PAK1: variants seen among roughly 807,000 people sequenced by gnomAD.
The protein encoded by PAK1 is p21 (RAC1) activated kinase 1.
A neutral mutation model predicts 67.4 loss-of-function variants in PAK1; 29 were observed. That is an observed-to-expected ratio of 0.43 (90% CI 0.32 to 0.59). The LOEUF is 0.59. PAK1 is among the 20% of genes least tolerant of loss of function. PAK1 has a pLI of 0.07. For missense variants in PAK1, 337 were observed against 670.7 expected, an observed-to-expected ratio of 0.50 and a Z score of 5.50; for synonymous variants, 223 against 237.4, an observed-to-expected ratio of 0.94 and a Z score of 0.56.
At chr11:77,491,526 C>T in the PAK1 span, among the ~76,000 whole-genome samples, 1 of 150,582 alleles carries the variant, frequency 6.6e-6, no homozygotes, top group South Asian at 2.1e-4. Context: ...GAGACTCTGC[C>T]TCAAAAAAAA....
At chr11:77,393,284 A>AG (rs1565658525) in intron 1 of PAK1, among the ~76,000 whole-genome samples, 6 of 129,618 alleles carry the variant, frequency 4.6e-5, no homozygotes, top group African/African-American at 1.9e-4. Context: ...TTAAAAAAAA[A>AG]AAGAGAGAGA....
At chr11:77,345,273 C>A (rs890020181) in intron 9 of PAK1, among the ~76,000 whole-genome samples, 2 of 151,806 alleles carry the variant, frequency 1.3e-5, no homozygotes, top group South Asian at 4.2e-4. Context: ...CAACAAATGT[C>A]TGTAGAAAGG....
intron 7 of PAK1, among the ~76,000 whole-genome samples, chr11:77,354,123 G>A (rs1014312946): frequency 6.6e-6 from 1 of 152,162 alleles, no homozygotes; most frequent in Non-Finnish European, 1.5e-5. Context: ...AAAAGCCAGA[G>A]AGATAAAGTA....
chr11:77,409,942 T>C (rs573059585), intron 1 of PAK1, among the ~76,000 whole-genome samples: 78 of 152,284 alleles, frequency 5.1e-4, no homozygotes, highest in African/African-American at 1.8e-3. Flanking sequence ...AAGCCAGTCA[T>C]CAAAGGGGAA....
intron 1 of PAK1, among the ~76,000 whole-genome samples, chr11:77,449,768 T>C (rs1278172419): frequency 6.6e-6 from 1 of 151,870 alleles, no homozygotes; most frequent in East Asian, 1.9e-4. Context: ...GGAAACAGTT[T>C]CTCAATACCC....
At chr11:77,441,319 C>T (rs1008572387) in intron 1 of PAK1, among the ~76,000 whole-genome samples, 1 of 152,192 alleles carries the variant, frequency 6.6e-6, no homozygotes, top group Non-Finnish European at 1.5e-5. Context: ...TCCCATACCC[C>T]TTGGGCTAGT....
At chr11:77,336,785 G>A (rs1942763577) in intron 12 of PAK1, among the ~76,000 whole-genome samples, 1 of 152,002 alleles carries the variant, frequency 6.6e-6, no homozygotes, top group Non-Finnish European at 1.5e-5. Context: ...CAGCCTGTTT[G>A]TCTGGTCTAC....
intron 5 of PAK1, 127 bp from the exon 6 acceptor site, chr11:77,359,144 G>A: frequency 1.3e-6 from 1 of 789,234 alleles, no homozygotes; most frequent in East Asian, 2.7e-5. Context: ...TAGCCTCCAA[G>A]CTCTCACCTT....
the PAK1 span, among the ~76,000 whole-genome samples, chr11:77,498,680 C>G: frequency 7.0e-6 from 1 of 143,852 alleles, no homozygotes; most frequent in African/African-American, 2.6e-5. Flanking sequence ...TTTTTAACAC[C>G]CTTGCTTGTA....
chr11:77,396,001 T>G (rs1052022179), intron 1 of PAK1, among the ~76,000 whole-genome samples: 1 of 152,132 alleles, frequency 6.6e-6, no homozygotes, highest in East Asian at 1.9e-4. Context: ...TCTGATACCC[T>G]AGTCAAGTCC....
the PAK1 span, among the ~76,000 whole-genome samples, chr11:77,504,380 T>C: frequency 6.8e-4 from 103 of 152,354 alleles, no homozygotes; most frequent in African/African-American, 2.1e-3. Context: ...TTCTTATATT[T>C]GCTTCTACAT....
At chr11:77,461,663 G>A (rs576195031) in intron 1 of PAK1, among the ~76,000 whole-genome samples, 10 of 152,118 alleles carry the variant, frequency 6.6e-5, no homozygotes, top group South Asian at 6.2e-4. Context: ...GTTTATGTAT[G>A]TTTACATACA....
intron 9 of PAK1, among the ~76,000 whole-genome samples, chr11:77,344,507 T>C (rs1461300369): frequency 6.6e-6 from 1 of 152,154 alleles, no homozygotes; most frequent in Admixed American, 6.5e-5. Context: ...CCAGACAACA[T>C]GAATATATGG....
At chr11:77,400,633 T>C (rs980734814) in intron 1 of PAK1, among the ~76,000 whole-genome samples, 2 of 152,144 alleles carry the variant, frequency 1.3e-5, no homozygotes, top group African/African-American at 4.8e-5. Context: ...CCACACTGCC[T>C]AAGAGAGTTG....
the PAK1 span, among the ~76,000 whole-genome samples, chr11:77,501,155 A>AAAAAAAAAC: frequency 0.02 from 2,968 of 148,578 alleles, 35 homozygotes; most frequent in Non-Finnish European, 0.031. Context: ...CGTCTCAAAA[A>AAAAAAAAAC]AAAAAACAAA....
the PAK1 span, among the ~76,000 whole-genome samples, chr11:77,482,984 G>A: frequency 6.6e-6 from 1 of 152,068 alleles, no homozygotes; most frequent in East Asian, 1.9e-4. Context: ...ATCACCTGAG[G>A]TCAGGAGTTC....
At chr11:77,324,806 G>A (rs937539863) in intron 14 of PAK1, among the ~76,000 whole-genome samples, 1 of 151,638 alleles carries the variant, frequency 6.6e-6, no homozygotes, top group African/African-American at 2.4e-5. Flanking sequence ...GAGAGAGAGA[G>A]AAAGAGAAAG....
At chr11:77,471,238 G>A (rs1160006152) in intron 1 of PAK1, among the ~76,000 whole-genome samples, 1 of 152,124 alleles carries the variant, frequency 6.6e-6, no homozygotes, top group Non-Finnish European at 1.5e-5. Context: ...TAAGTGCTAC[G>A]GAAGAAAAAC....
intron 1 of PAK1, among the ~76,000 whole-genome samples, chr11:77,417,350 T>C (rs941415191): frequency 4.6e-5 from 7 of 152,168 alleles, no homozygotes; most frequent in African/African-American, 1.4e-4. Context: ...ACCTGAAATG[T>C]AGATTTCTAA....
Sources: gnomAD v4.1 joint callset for allele counts (sites outside exome capture counted in the v4.1 genomes callset) on GRCh38, gnomAD v4.1.1 for gene constraint, MANE v1.5 for transcripts, NCBI Gene and HGNC (gene_info 2026-07-23, HGNC 2026-07-21) for gene names.